ADGRL3: variants seen among roughly 807,000 people sequenced by gnomAD.
ADGRL3 encodes calcium-independent alpha-latrotoxin receptor 3.
A neutral mutation model predicts 153.5 loss-of-function variants in ADGRL3; 62 were observed. The ratio of observed to expected loss-of-function variants is 0.40; its 90% CI spans 0.33 to 0.50. ADGRL3 has a LOEUF of 0.50. ADGRL3 is among the 20% of genes least tolerant of loss of function. The pLI is 0.47. For synonymous variants in ADGRL3, 710 were observed against 672.5 expected (o/e 1.06, Z -0.86); for missense variants, 1,641 against 1,859.4 (o/e 0.88, Z 2.16).
chr4:61,974,069 G>C (rs968766107), intron 17 of ADGRL3, among the ~76,000 whole-genome samples: 1 of 152,104 alleles, frequency 6.6e-6, no homozygotes, highest in African/African-American at 2.4e-5. Flanking sequence ...CCGGGCTCAA[G>C]CCATCCTGCC....
intron 2 of ADGRL3, among the ~76,000 whole-genome samples, chr4:61,412,094 T>TTTTG (rs111558814): frequency 0.9 from 136,360 of 151,314 alleles, 62,832 homozygotes; most frequent in Non-Finnish European, 1. Context: ...GTTGTGGTCT[T>TTTTG]TTTGTTTGTT....
chr4:61,859,161 C>T (rs1439347639), intron 9 of ADGRL3, among the ~76,000 whole-genome samples: 3 of 152,130 alleles, frequency 2.0e-5, no homozygotes, highest in Non-Finnish European at 4.4e-5. Flanking sequence ...ATTGTACCAC[C>T]TGAAATAGAG....
At chr4:61,542,618 A>G (rs927675366) in intron 4 of ADGRL3, among the ~76,000 whole-genome samples, 4 of 152,078 alleles carry the variant, frequency 2.6e-5, no homozygotes, top group African/African-American at 9.7e-5. Flanking sequence ...TTTTGAGAAT[A>G]TCAGACCCTT....
intron 6 of ADGRL3, among the ~76,000 whole-genome samples, chr4:61,712,505 C>T (rs1275109535): frequency 6.6e-6 from 1 of 152,110 alleles, no homozygotes; most frequent in Non-Finnish European, 1.5e-5. Context: ...TTCATTTAGC[C>T]TCAGATCCCT....
chr4:61,684,286 G>T (rs1467609763), intron 6 of ADGRL3, among the ~76,000 whole-genome samples: 14 of 152,102 alleles, frequency 9.2e-5, no homozygotes, highest in Admixed American at 9.2e-4. Context: ...AAATAAAGCA[G>T]AGGTTTTTTT....
intron 5 of ADGRL3, among the ~76,000 whole-genome samples, chr4:61,667,012 T>G (rs902934450): frequency 6.6e-6 from 1 of 152,192 alleles, no homozygotes; most frequent in African/African-American, 2.4e-5. Flanking sequence ...AAGCAATGTA[T>G]GTGAACTTGT....
At chr4:61,219,731 C>T (rs1341507277) in intron 1 of ADGRL3, among the ~76,000 whole-genome samples, 1 of 152,164 alleles carries the variant, frequency 6.6e-6, no homozygotes, top group Non-Finnish European at 1.5e-5. Context: ...CATCATTGCT[C>T]TTTGTCATCT....
At chr4:61,456,000 G>A (rs1023121405) in intron 2 of ADGRL3, among the ~76,000 whole-genome samples, 1 of 151,796 alleles carries the variant, frequency 6.6e-6, no homozygotes, top group African/African-American at 2.4e-5. Flanking sequence ...ATTTTTAGTT[G>A]AAAGGGGGTT....
At chr4:62,012,756 G>T (rs761546002) in intron 21 of ADGRL3, among the ~76,000 whole-genome samples, 4 of 152,110 alleles carry the variant, frequency 2.6e-5, no homozygotes, top group African/African-American at 4.8e-5. Flanking sequence ...TAACACCTAT[G>T]ATTATATTAA....
At chr4:61,297,237 A>C (rs1201410429) in intron 1 of ADGRL3, among the ~76,000 whole-genome samples, 3 of 152,168 alleles carry the variant, frequency 2.0e-5, no homozygotes, top group African/African-American at 7.2e-5. Flanking sequence ...CTACATTTAA[A>C]AACATTACTA....
At chr4:61,234,990 A>T (rs1752270870) in intron 1 of ADGRL3, among the ~76,000 whole-genome samples, 1 of 152,186 alleles carries the variant, frequency 6.6e-6, no homozygotes, top group South Asian at 2.1e-4. Context: ...GCCAGAAGTG[A>T]AAACATGAGG....
chr4:61,473,209 TTGTGTGTGTG>T (rs35633555), intron 2 of ADGRL3, among the ~76,000 whole-genome samples: 128,268 of 149,162 alleles, frequency 0.86, 56,135 homozygotes, highest in East Asian at 0.94. Flanking sequence ...TTGTATGTGT[TTGTGTGTGTG>T]TGTGTGTGTG....
chr4:61,773,350 G>A (rs1357067726), intron 8 of ADGRL3, among the ~76,000 whole-genome samples: 3 of 152,130 alleles, frequency 2.0e-5, no homozygotes, highest in African/African-American at 4.8e-5. Context: ...ATCTTATACT[G>A]GAGTTTTCTT....
chr4:61,648,034 C>T (rs1222887203), intron 5 of ADGRL3, among the ~76,000 whole-genome samples: 3 of 152,088 alleles, frequency 2.0e-5, no homozygotes, highest in Non-Finnish European at 2.9e-5. Flanking sequence ...TGTGTATGTT[C>T]CATTTCCTTT....
chr4:61,864,485 C>G (rs2098381448), intron 9 of ADGRL3, among the ~76,000 whole-genome samples: 2 of 152,134 alleles, frequency 1.3e-5, no homozygotes, highest in African/African-American at 4.8e-5. Context: ...CATTTCAAAG[C>G]CCCAGAGTAT....
intron 2 of ADGRL3, among the ~76,000 whole-genome samples, chr4:61,472,524 G>A (rs1189043097): frequency 6.6e-6 from 1 of 152,052 alleles, no homozygotes; most frequent in Non-Finnish European, 1.5e-5. Context: ...AAAAGAAGAT[G>A]TCTAAGATGG....
chr4:61,747,881 T>A (rs2096690525), intron 8 of ADGRL3, among the ~76,000 whole-genome samples: 1 of 151,892 alleles, frequency 6.6e-6, no homozygotes, highest in Non-Finnish European at 1.5e-5. Flanking sequence ...GAGAAGGAAA[T>A]AAAGGGTATT....
intron 1 of ADGRL3, among the ~76,000 whole-genome samples, chr4:61,323,920 C>G (rs186039614): frequency 6.6e-6 from 1 of 152,226 alleles, no homozygotes; most frequent in Non-Finnish European, 1.5e-5. Flanking sequence ...AAGACATACT[C>G]AAGACTGGGC....
intron 17 of ADGRL3, among the ~76,000 whole-genome samples, chr4:61,958,794 G>T (rs1042600253): frequency 1.3e-5 from 2 of 152,122 alleles, no homozygotes; most frequent in Non-Finnish European, 2.9e-5. Context: ...AGATTTGGGT[G>T]GGAACAGAGA....
Sources: allele counts gnomAD v4.1 joint callset (sites outside exome capture counted in the v4.1 genomes callset), GRCh38; gene constraint gnomAD v4.1.1; transcripts MANE v1.5; gene names NCBI Gene and HGNC (gene_info 2026-07-23, HGNC 2026-07-21).